TPST1: variants seen among roughly 807,000 people sequenced by gnomAD.
The protein encoded by TPST1 is tyrosylprotein sulfotransferase 1.
TPST1 carries 20 observed loss-of-function variants against 34.8 expected under a neutral mutation model. That is an observed-to-expected ratio of 0.57 (90% confidence interval 0.40 to 0.84). TPST1 has a LOEUF of 0.84. Among genes scored for constraint, TPST1 ranks in the 40% least tolerant of loss-of-function variants. The probability of loss-of-function intolerance (pLI) is 0.00; values close to 1 mark genes in which losing one functional copy is unlikely to be tolerated. For missense variants in TPST1, 353 were observed against 455.5 expected, an observed-to-expected ratio of 0.78 and a Z score of 2.05; for synonymous variants, 152 against 159.4, an observed-to-expected ratio of 0.95 and a Z score of 0.35.
At chr7:66,220,500 G>A (rs966757002) in intron 1 of TPST1, among the ~76,000 whole-genome samples, 1 of 152,168 alleles carries the variant, frequency 6.6e-6, no homozygotes, top group Non-Finnish European at 1.5e-5. Context: ...TGTCGTATGT[G>A]GCAGAGAGCT....
At chr7:66,213,768 G>A (rs1455319223) in intron 1 of TPST1, among the ~76,000 whole-genome samples, 1 of 151,774 alleles carries the variant, frequency 6.6e-6, no homozygotes, top group African/African-American at 2.4e-5. Flanking sequence ...AAGAATAATG[G>A]CTACTTTAAA....
chr7:66,269,953 CAT>C (rs1790672096), intron 2 of TPST1, among the ~76,000 whole-genome samples: 1 of 152,054 alleles, frequency 6.6e-6, no homozygotes, highest in African/African-American at 2.4e-5. Flanking sequence ...ATGATAAAAA[CAT>C]ATAGCATATT....
chr7:66,252,768 A>AT (rs1410551580), intron 2 of TPST1, among the ~76,000 whole-genome samples: 7 of 152,170 alleles, frequency 4.6e-5, no homozygotes, highest in Non-Finnish European at 1.0e-4. Context: ...TTTCTTTAGA[A>AT]TTTTTTGTAA....
At chr7:66,261,232 C>CT (rs36114007) in intron 2 of TPST1, among the ~76,000 whole-genome samples, 74,783 of 126,564 alleles carry the variant, frequency 0.59, 21,788 homozygotes, top group Non-Finnish European at 0.61. Context: ...CGTATATTGT[C>CT]TTTTTTTTTT....
At position 66,240,642 on chromosome 7, in the gene TPST1, T is replaced by G. The variant is rs200133285; in HGVS notation, c.217T>G (p.Phe73Val). 6 of 1,614,162 alleles carry G rather than the reference T, an allele frequency of 3.7e-6. No individual in the cohort carries two copies. The change falls in exon 2 of 6, where the codon TTT (phenylalanine) becomes GTT (valine). Residue 73 changes from phenylalanine (F) to valine (V), a missense_variant. Transcript: ENST00000304842. ...CTATCACAAAGATATGCCTTTAATA[T>G]TTATTGGAGGTGTGCCTCGGAGTGG... ...FAYHKDMPLIFIGGVPRSGTT... is the reference protein window; with the variant it reads ...FAYHKDMPLIVIGGVPRSGTT...
chr7:66,279,632 G>C (rs1790892702), intron 2 of TPST1, among the ~76,000 whole-genome samples: 1 of 152,092 alleles, frequency 6.6e-6, no homozygotes, highest in African/African-American at 2.4e-5. Context: ...TCTAATAACA[G>C]CTCATAGATC....
intron 1 of TPST1, among the ~76,000 whole-genome samples, chr7:66,222,289 G>A (rs1789558575): frequency 6.6e-6 from 1 of 151,992 alleles, no homozygotes; most frequent in African/African-American, 2.4e-5. Context: ...GGAGGCTGAG[G>A]CAGGAGAATG....
chr7:66,274,313 G>A (rs960942757), intron 2 of TPST1, among the ~76,000 whole-genome samples: 26 of 150,874 alleles, frequency 1.7e-4, no homozygotes, highest in Admixed American at 2.6e-4. Context: ...TGAAGTGAGC[G>A]TTGAGATCGC....
intron 3 of TPST1, 136 bp from the exon 4 acceptor site, chr7:66,352,369 C>T (rs1386167639): frequency 1.3e-6 from 2 of 1,487,052 alleles, no homozygotes; most frequent in Non-Finnish European, 1.8e-6. Flanking sequence ...TGCTCTTGAA[C>T]TGACAGGCTT....
intron 1 of TPST1, among the ~76,000 whole-genome samples, chr7:66,213,995 C>T (rs1789334079): frequency 6.6e-6 from 1 of 152,136 alleles, no homozygotes; most frequent in Non-Finnish European, 1.5e-5. Flanking sequence ...CCCAGCCTGC[C>T]TTTTGTTTCA....
At chr7:66,236,519 T>C (rs1014053453) in intron 1 of TPST1, among the ~76,000 whole-genome samples, 26 of 152,084 alleles carry the variant, frequency 1.7e-4, no homozygotes, top group Admixed American at 1.4e-3. Flanking sequence ...TTAATGTATA[T>C]ATACTGCCTT....
Position 66,283,145 on chromosome 7 carries a change from C to T in TPST1, c.846-3366C>T, listed in dbSNP as rs187782440. Among the ~76,000 whole-genome samples the T allele has an allele frequency of 1.1e-3, 171 of 152,256 alleles. 1 individual carries two copies. The highest frequency in any genetic ancestry group is 2.0e-3 in the Non-Finnish European group (135 of 68,012). On this transcript the variant is annotated intron_variant, in intron 2 of 5. Coordinates refer to ENST00000304842, the MANE Select transcript of TPST1 (RefSeq NM_003596.4). ...GGGTATGGTGGTGGCCTGTAATCCC[C>T]AGCTACTCAGGAGGCTGAGGCAGGA...
At chr7:66,330,169 T>C (rs1258006770) in intron 3 of TPST1, among the ~76,000 whole-genome samples, 3 of 152,176 alleles carry the variant, frequency 2.0e-5, no homozygotes, top group Non-Finnish European at 4.4e-5. Flanking sequence ...TATGTTACCT[T>C]ATCTGGCAAA....
intron 3 of TPST1, among the ~76,000 whole-genome samples, chr7:66,320,396 C>G (rs187900218): frequency 2.7e-5 from 4 of 148,622 alleles, no homozygotes; most frequent in African/African-American, 7.4e-5. Context: ...TACAGGCGCC[C>G]GCCACCATGC....
Position 66,266,850 on chromosome 7 carries a change from T to C in TPST1, c.846-19661T>C, listed in dbSNP as rs558806693. Among the ~76,000 whole-genome samples, 20 of 152,306 alleles carry C rather than the reference T, an allele frequency of 1.3e-4. 1 individual carries two copies. In the South Asian group the frequency reaches 4.1e-3, roughly 32 times the overall value. On this transcript the variant is annotated intron_variant, in intron 2 of 5. Coordinates refer to ENST00000304842, the MANE Select transcript of TPST1 (RefSeq NM_003596.4). Reference sequence around the variant, plus strand: ...AAAACCAATCTTTTGTGATAGTAGTTAGAATAGTGGTTATTCTAGGGGGCT... The same window carrying C: ...AAAACCAATCTTTTGTGATAGTAGTCAGAATAGTGGTTATTCTAGGGGGCT...
intron 3 of TPST1, among the ~76,000 whole-genome samples, chr7:66,296,261 CCCA>C (rs1206198111): frequency 0.042 from 1,799 of 43,320 alleles, 86 homozygotes; most frequent in African/African-American, 0.069. Context: ...CCCCCCCTCC[CCCA>C]CCGTCTCTGC....
upstream of TPST1, among the ~76,000 whole-genome samples, chr7:66,203,486 CTTTT>C (rs373614847): frequency 2.2e-5 from 3 of 134,542 alleles, no homozygotes; most frequent in Admixed American, 7.6e-5. Flanking sequence ...ACAAAAACTT[CTTTT>C]TTTTTTTTTT....
chr7:66,333,767 C>A (rs1051135796), intron 3 of TPST1, among the ~76,000 whole-genome samples: 1 of 152,098 alleles, frequency 6.6e-6, no homozygotes, highest in Non-Finnish European at 1.5e-5. Context: ...GCCACAAGTC[C>A]CCTGGACCTC....
At chr7:66,297,797 A>G (rs2116012413) in intron 3 of TPST1, among the ~76,000 whole-genome samples, 1 of 152,370 alleles carries the variant, frequency 6.6e-6, no homozygotes, top group African/African-American at 2.4e-5. Flanking sequence ...CCTGGAATGA[A>G]TGCATACTTG....
Sources: gnomAD v4.1 joint callset for allele counts (sites outside exome capture counted in the v4.1 genomes callset) on GRCh38, gnomAD v4.1.1 for gene constraint, MANE v1.5 for transcripts, NCBI Gene and HGNC (gene_info 2026-07-23, HGNC 2026-07-21) for gene names.